THSD7A: variants seen among roughly 807,000 people sequenced by gnomAD.
THSD7A encodes the protein thrombospondin type-1 domain-containing protein 7A.
In THSD7A, 96 loss-of-function variants were observed where a neutral mutation model predicts 231.3. The observed-to-expected ratio is 0.41, with a 90% CI of 0.35 to 0.49. The LOEUF is 0.49. Among genes scored for constraint, THSD7A ranks in the 20% least tolerant of loss-of-function variants. THSD7A has a pLI of 0.05. For missense variants in THSD7A, 2,290 were observed against 2,070.2 expected, an observed-to-expected ratio of 1.11 and a Z score of -2.06; for synonymous variants, 940 against 743.3, an observed-to-expected ratio of 1.26 and a Z score of -4.30.
At chr7:11,401,724 T>C in intron 23 of THSD7A, 71 bp downstream of exon 23, 1 of 1,452,766 alleles carries the variant, frequency 6.9e-7, no homozygotes, top group East Asian at 2.5e-5. Flanking sequence ...CTTTGTTTAT[T>C]TTTAACAGAC....
At chr7:11,782,920 T>C (rs1410902687) in intron 1 of THSD7A, among the ~76,000 whole-genome samples, 1 of 152,214 alleles carries the variant, frequency 6.6e-6, no homozygotes, top group African/African-American at 2.4e-5. Context: ...ATCTTAATTA[T>C]GAAAATACAA....
At chr7:11,658,480 C>T (rs1034545577) in intron 1 of THSD7A, among the ~76,000 whole-genome samples, 2 of 151,414 alleles carry the variant, frequency 1.3e-5, no homozygotes, top group East Asian at 3.9e-4. Flanking sequence ...CTTATTATTT[C>T]AATGGCATTT....
intron 1 of THSD7A, among the ~76,000 whole-genome samples, chr7:11,737,677 T>C (rs574781442): frequency 2.6e-5 from 4 of 152,120 alleles, no homozygotes; most frequent in African/African-American, 9.6e-5. Context: ...AATGAGCAAG[T>C]TCTAGAAATT....
At chr7:11,669,879 A>G (rs1783305785) in intron 1 of THSD7A, among the ~76,000 whole-genome samples, 1 of 152,094 alleles carries the variant, frequency 6.6e-6, no homozygotes, top group Non-Finnish European at 1.5e-5. Context: ...TTGGACTTCC[A>G]GAGCTTTGTT....
At position 11,474,699 on chromosome 7, in the gene THSD7A, C is replaced by T; in HGVS notation, c.2018-131G>A. The T allele has an allele frequency of 2.9e-6, 2 of 684,266 alleles. No individual in the cohort carries two copies. The highest frequency in any genetic ancestry group is 2.8e-5 in the East Asian group (1 of 36,066). 42.4% of individuals were successfully genotyped at this position (684,266 alleles called of 1,614,324 possible). ...CTTCCCCACATCAAGTTCATAAATA[C>T]ACGCAATATTTATGTGAGATGCTTC... On this transcript the variant is annotated intron_variant, in intron 7 of 27. Coordinates refer to ENST00000423059, the MANE Select transcript of THSD7A (RefSeq NM_015204.3). This position sits in a 1 kb window ranked among gnomAD's most constrained non-coding sequence, Gnocchi z 4.1.
intron 1 of THSD7A, among the ~76,000 whole-genome samples, chr7:11,711,283 GT>G (rs1221987343): frequency 2.7e-5 from 4 of 150,904 alleles, no homozygotes; most frequent in Admixed American, 2.0e-4. Flanking sequence ...GAAGGAGCTT[GT>G]TGGAGAGCAG....
intron 1 of THSD7A, among the ~76,000 whole-genome samples, chr7:11,680,244 A>C (rs1314696008): frequency 6.6e-6 from 1 of 152,216 alleles, no homozygotes; most frequent in African/African-American, 2.4e-5. Flanking sequence ...AAACCATAAA[A>C]TCCCTAGAAG....
chr7:11,663,865 C>G (rs1249457073), intron 1 of THSD7A, among the ~76,000 whole-genome samples: 1 of 151,536 alleles, frequency 6.6e-6, no homozygotes, highest in Non-Finnish European at 1.5e-5. Flanking sequence ...ACTGGAATGA[C>G]ATTTTGAAAA....
At chr7:11,819,953 G>GT (rs1475692596) in intron 1 of THSD7A, among the ~76,000 whole-genome samples, 1 of 152,146 alleles carries the variant, frequency 6.6e-6, no homozygotes, top group Non-Finnish European at 1.5e-5. Context: ...TTAACTTTCT[G>GT]TAAGTCTAAC....
chr7:11,523,826 A>G (rs1468160199), intron 6 of THSD7A, among the ~76,000 whole-genome samples: 2 of 152,088 alleles, frequency 1.3e-5, no homozygotes, highest in Non-Finnish European at 2.9e-5. Context: ...TCATTCTTTC[A>G]GGTCTTATTT....
chr7:11,381,271 GTCTTT>G, intron 24 of THSD7A, among the ~76,000 whole-genome samples: 1 of 152,066 alleles, frequency 6.6e-6, no homozygotes, highest in South Asian at 2.1e-4. Context: ...TCTACTAGAT[GTCTTT>G]TCTTTGTTCC....
chr7:11,817,468 C>T (rs569086318), intron 1 of THSD7A, among the ~76,000 whole-genome samples: 2 of 152,318 alleles, frequency 1.3e-5, no homozygotes, highest in Admixed American at 6.5e-5. Context: ...TTTGTAATTA[C>T]ACTGTTGACT....
intron 1 of THSD7A, among the ~76,000 whole-genome samples, chr7:11,683,261 T>C (rs566935337): frequency 2.6e-5 from 4 of 152,146 alleles, no homozygotes; most frequent in African/African-American, 9.6e-5. Context: ...AAATGACTTT[T>C]AGGTGAACAA....
Position 11,632,062 on chromosome 7 carries a change from A to G in THSD7A, c.1022+4068T>C, listed in dbSNP as rs183744576. 5.5e-4 allele frequency among the ~76,000 whole-genome samples: 84 copies of G among 152,320 alleles called. No homozygotes were observed. The highest frequency in any genetic ancestry group is 8.5e-4 in the Non-Finnish European group (58 of 68,028). ...GAGTGGCTGTGCCTAATCTGTTTGT[A>G]TAAATATAATTTATTATATTACTTG... is the stretch of plus-strand genomic sequence containing the variant. On this transcript the variant is annotated intron_variant, in intron 2 of 27. Transcript: ENST00000423059. This position sits in a 1 kb window ranked among gnomAD's most constrained non-coding sequence, Gnocchi z 4.1.
At chr7:11,760,060 T>C (rs1782805661) in intron 1 of THSD7A, among the ~76,000 whole-genome samples, 1 of 152,050 alleles carries the variant, frequency 6.6e-6, no homozygotes, top group South Asian at 2.1e-4. Flanking sequence ...TGGTTAGATT[T>C]AAAGCATCTC....
intron 1 of THSD7A, among the ~76,000 whole-genome samples, chr7:11,734,449 C>A (rs1352713092): frequency 1.3e-5 from 2 of 151,898 alleles, no homozygotes; most frequent in East Asian, 3.9e-4. Context: ...AAATAAGAAC[C>A]AATGTCTCAC....
Position 11,590,506 on chromosome 7 carries a change from G to C in THSD7A, c.1407C>G (p.Ala469=). Residue 469 remains alanine, a synonymous_variant, in exon 4 of 28, where the codon GCC becomes GCG. Coordinates refer to ENST00000423059, the MANE Select transcript of THSD7A (RefSeq NM_015204.3). The surrounding 1 kb of genome is among the most constrained non-coding windows in gnomAD (Gnocchi z 4.4). The part of the protein sequence containing the change: ...IQTREVYCVQ[A]NENLLSQLST... Reference sequence around the variant, plus strand: ...TTAATTGTGAGAGGAGGTTTTCGTTGGCCTGCACGCAGTACACCTCTCGGG... The same window carrying C: ...TTAATTGTGAGAGGAGGTTTTCGTTCGCCTGCACGCAGTACACCTCTCGGG... 6.2e-7 allele frequency: 1 copy of C among 1,613,508 alleles called. No homozygotes were observed. Among genetic ancestry groups the C allele is most frequent in the Non-Finnish European group, 8.5e-7 (1 of 1,179,702 alleles).
chr7:11,635,311 G>T (rs764357993), intron 2 of THSD7A, among the ~76,000 whole-genome samples: 2 of 152,044 alleles, frequency 1.3e-5, no homozygotes, highest in African/African-American at 4.8e-5. Flanking sequence ...TTCTGAAAAA[G>T]CAATTATGCA....
intron 23 of THSD7A, among the ~76,000 whole-genome samples, chr7:11,389,947 C>G (rs1782918135): frequency 1.3e-5 from 2 of 152,202 alleles, no homozygotes. Flanking sequence ...GGCCCCCACT[C>G]TCTTCTGGCT....
Sources: gnomAD v4.1 joint callset for allele counts (sites outside exome capture counted in the v4.1 genomes callset) on GRCh38, gnomAD v4.1.1 for gene constraint, Gnocchi (gnomAD v3.1) non-coding constraint, MANE v1.5 for transcripts, NCBI Gene and HGNC (gene_info 2026-07-23, HGNC 2026-07-21) for gene names.